Variants in DAB1 observed in about 807,000 individuals in gnomAD.
DAB1 encodes the protein DAB adaptor protein 1, also known as disabled homolog 1.
DAB1 carries 15 observed loss-of-function variants against 64.6 expected under a neutral mutation model. That is an observed-to-expected ratio of 0.23 (90% CI 0.16 to 0.36). The LOEUF (loss-of-function observed/expected upper bound fraction) is 0.36. DAB1 is among the 10% of genes least tolerant of loss of function. The pLI is 1.00. For missense variants in DAB1, 596 were observed against 706.7 expected (o/e 0.84, Z 1.78); for synonymous variants, 235 against 251.9 (o/e 0.93, Z 0.64).
At chr1:57,520,435 C>G (rs530312883) in intron 7 of DAB1, among the ~76,000 whole-genome samples, 1 of 152,166 alleles carries the variant, frequency 6.6e-6, no homozygotes, top group Non-Finnish European at 1.5e-5. Flanking sequence ...CTACTTTATT[C>G]TACAAAGATT....
intron 4 of DAB1, among the ~76,000 whole-genome samples, chr1:58,194,062 T>C (rs1367683637): frequency 6.6e-6 from 1 of 152,250 alleles, no homozygotes; most frequent in East Asian, 1.9e-4. Context: ...ATTAGCCATA[T>C]GCACATATCT....
intron 5 of DAB1, among the ~76,000 whole-genome samples, chr1:58,135,727 A>G (rs1653907357): frequency 6.6e-6 from 1 of 152,198 alleles, no homozygotes. Flanking sequence ...AAGGAAAGAT[A>G]TAATCTAGAA....
chr1:57,622,417 G>A (rs1570681783), intron 7 of DAB1, among the ~76,000 whole-genome samples: 1 of 152,176 alleles, frequency 6.6e-6, no homozygotes, highest in African/African-American at 2.4e-5. Context: ...TATGTCTGTG[G>A]ATGAGATATT....
chr1:58,258,013 G>T (rs1660971049), intron 4 of DAB1, among the ~76,000 whole-genome samples: 1 of 152,160 alleles, frequency 6.6e-6, no homozygotes. Context: ...AATTTGTACT[G>T]TTACCGTGGT....
chr1:57,458,469 TC>T (rs1322874242), intron 7 of DAB1, among the ~76,000 whole-genome samples: 1 of 150,334 alleles, frequency 6.7e-6, no homozygotes, highest in Non-Finnish European at 1.5e-5. Context: ...ATTCAGGTAC[TC>T]CTATTTGAGA....
intron 6 of DAB1, among the ~76,000 whole-genome samples, chr1:57,758,360 A>G (rs975287731): frequency 5.3e-5 from 8 of 152,216 alleles, no homozygotes; most frequent in Admixed American, 1.3e-4. Context: ...TTTTCTGCAA[A>G]GGCCATGATG....
intron 4 of DAB1, among the ~76,000 whole-genome samples, chr1:58,181,049 C>A (rs1423830749): frequency 6.6e-6 from 1 of 152,074 alleles, no homozygotes; most frequent in Non-Finnish European, 1.5e-5. Context: ...GTTGGCCTAT[C>A]AATTATTAAG....
At chr1:57,287,778 T>TTTTATTTATTTATTTATTTATTTA (rs10647426) in intron 2 of DAB1, among the ~76,000 whole-genome samples, 215 of 144,142 alleles carry the variant, frequency 1.5e-3, no homozygotes, top group African/African-American at 2.8e-3. Context: ...TTTCTCTCTC[T>TTTTATTTATTTATTTATTTATTTA]TTTATTTATT....
At chr1:58,331,585 C>T (rs756658687) in intron 4 of DAB1, among the ~76,000 whole-genome samples, 15 of 152,194 alleles carry the variant, frequency 9.9e-5, no homozygotes, top group Non-Finnish European at 1.9e-4. Context: ...ATTGCCACAA[C>T]CACCCCAGCC....
At chr1:57,611,140 T>G (rs531294426) in intron 7 of DAB1, among the ~76,000 whole-genome samples, 61 of 150,998 alleles carry the variant, frequency 4.0e-4, no homozygotes, top group Middle Eastern at 3.4e-3. Context: ...TTTTTTTTTT[T>G]TTTTTTGCAT....
chr1:57,461,595 G>T (rs1686780582), intron 7 of DAB1, among the ~76,000 whole-genome samples: 1 of 152,138 alleles, frequency 6.6e-6, no homozygotes, highest in Non-Finnish European at 1.5e-5. Flanking sequence ...CATGCTATTT[G>T]CTGACCCTGT....
At chr1:57,844,707 AG>A (rs1653203040) in intron 1 of DAB1, among the ~76,000 whole-genome samples, 1 of 152,168 alleles carries the variant, frequency 6.6e-6, no homozygotes, top group East Asian at 1.9e-4. Flanking sequence ...GTTCTGTCAA[AG>A]GGAAGCTCAG....
chr1:57,000,190 C>T (rs1645801696), intron 14 of DAB1, among the ~76,000 whole-genome samples: 1 of 151,990 alleles, frequency 6.6e-6, no homozygotes, highest in South Asian at 2.1e-4. Flanking sequence ...ACTACAGGTG[C>T]CCACCACCAC....
intron 5 of DAB1, among the ~76,000 whole-genome samples, chr1:58,120,328 C>T (rs998340733): frequency 1.3e-5 from 2 of 152,142 alleles, no homozygotes; most frequent in Admixed American, 6.6e-5. Flanking sequence ...TCTAAGCCCC[C>T]TCTCAGTGCT....
At chr1:57,881,093 T>C (rs1204107768) in intron 1 of DAB1, among the ~76,000 whole-genome samples, 3 of 152,330 alleles carry the variant, frequency 2.0e-5, no homozygotes, top group African/African-American at 2.4e-5. Flanking sequence ...GCAGTAATGC[T>C]GACTTTACTT....
intron 7 of DAB1, among the ~76,000 whole-genome samples, chr1:57,518,368 A>G (rs1304228382): frequency 6.6e-6 from 1 of 152,086 alleles, no homozygotes; most frequent in African/African-American, 2.4e-5. Flanking sequence ...TATCACTCAA[A>G]TCTCAACTCC....
chr1:58,348,969 G>T (rs1008541089), intron 3 of DAB1, among the ~76,000 whole-genome samples: 7 of 152,198 alleles, frequency 4.6e-5, no homozygotes, highest in African/African-American at 1.7e-4. Flanking sequence ...AAAGTTTCAT[G>T]AAAAAGGTGA....
At chr1:57,534,880 A>G (rs2691440) in intron 7 of DAB1, among the ~76,000 whole-genome samples, 46,920 of 152,066 alleles carry the variant, frequency 0.31, 8,163 homozygotes, top group African/African-American at 0.47. Context: ...CTGGATCCTC[A>G]CTGTGCTGCA....
intron 6 of DAB1, among the ~76,000 whole-genome samples, chr1:57,821,058 C>T (rs1652094679): frequency 6.6e-6 from 1 of 152,186 alleles, no homozygotes; most frequent in African/African-American, 2.4e-5. Flanking sequence ...TCTTACTCTT[C>T]TCCCTTTCAC....
Sources: allele counts gnomAD v4.1 joint callset (sites outside exome capture counted in the v4.1 genomes callset), GRCh38; gene constraint gnomAD v4.1.1; transcripts MANE v1.5; gene names NCBI Gene and HGNC (gene_info 2026-07-23, HGNC 2026-07-21).